Variants in RNLS observed in about 807,000 individuals in gnomAD.
RNLS encodes renalase.
RNLS carries 39 observed loss-of-function variants against 39.8 expected under a neutral mutation model. The ratio of observed to expected loss-of-function variants is 0.98; its 90% CI spans 0.76 to 1.28. The LOEUF is 1.28. Ranked by LOEUF, RNLS falls within the 50% of genes most tolerant of loss-of-function variation. RNLS has a pLI of 0.00. For synonymous variants in RNLS, 147 were observed against 150.7 expected, an observed-to-expected ratio of 0.98 and a Z score of 0.18; for missense variants, 410 against 413.3, an observed-to-expected ratio of 0.99 and a Z score of 0.07.
At chr10:88,283,558 T>G (rs759001813), downstream of RNLS, among the ~76,000 whole-genome samples, 10 of 152,094 alleles carry the variant, frequency 6.6e-5, no homozygotes, top group Non-Finnish European at 1.0e-4. Flanking sequence ...CTACCATATT[T>G]TAAGGGTAAA....
intron 5 of RNLS, among the ~76,000 whole-genome samples, chr10:88,327,754 AT>A (rs963177430): frequency 3.9e-5 from 6 of 152,102 alleles, no homozygotes; most frequent in African/African-American, 1.4e-4. Flanking sequence ...GTATGTATGT[AT>A]GTACGTATGT....
intron 4 of RNLS, among the ~76,000 whole-genome samples, chr10:88,379,212 A>G (rs902840575): frequency 3.3e-5 from 5 of 152,194 alleles, no homozygotes; most frequent in African/African-American, 4.8e-5. Context: ...TATATGTTTT[A>G]ATGTTGAAGA....
the RNLS span, among the ~76,000 whole-genome samples, chr10:88,206,820 T>A: frequency 6.7e-6 from 1 of 148,870 alleles, no homozygotes; most frequent in African/African-American, 2.6e-5. Context: ...AAAGAAGGCC[T>A]TTTTTTTGTA....
intron 4 of RNLS, among the ~76,000 whole-genome samples, chr10:88,427,936 G>A (rs143939347): frequency 5.3e-5 from 8 of 151,838 alleles, no homozygotes; most frequent in Admixed American, 2.6e-4. Context: ...ATATGCTTAC[G>A]TTTTCTTTGT....
intron 4 of RNLS, among the ~76,000 whole-genome samples, chr10:88,521,912 C>T (rs375718227): frequency 1.3e-5 from 2 of 151,894 alleles, no homozygotes; most frequent in Non-Finnish European, 2.9e-5. Flanking sequence ...ATTAGAAGGC[C>T]GATTTCCATC....
chr10:88,254,871 G>C, the RNLS span, among the ~76,000 whole-genome samples: 1 of 152,258 alleles, frequency 6.6e-6, no homozygotes, highest in African/African-American at 2.4e-5. Context: ...CTCAAGGTAA[G>C]TGTGTCATCA....
At chr10:88,259,712 T>C in the RNLS span, among the ~76,000 whole-genome samples, 2 of 152,170 alleles carry the variant, frequency 1.3e-5, no homozygotes, top group East Asian at 1.9e-4. Flanking sequence ...AAAACTTAAA[T>C]AGGATTCAAC....
At chr10:88,207,021 T>C in the RNLS span, among the ~76,000 whole-genome samples, 1 of 152,152 alleles carries the variant, frequency 6.6e-6, no homozygotes, top group Non-Finnish European at 1.5e-5. Flanking sequence ...TGTTTTGGCC[T>C]ACATACAATT....
intron 4 of RNLS, among the ~76,000 whole-genome samples, chr10:88,551,751 C>A (rs866251464): frequency 6.6e-6 from 1 of 151,112 alleles, no homozygotes; most frequent in Non-Finnish European, 1.5e-5. Flanking sequence ...GGTAGTTTTG[C>A]AGGGTTAGAA....
At chr10:88,181,694 G>C in the RNLS span, among the ~76,000 whole-genome samples, 1 of 152,138 alleles carries the variant, frequency 6.6e-6, no homozygotes, top group Non-Finnish European at 1.5e-5. Flanking sequence ...CATGTGCAGT[G>C]CATTGCCGAA....
chr10:88,467,595 C>A (rs2133963011), intron 4 of RNLS, among the ~76,000 whole-genome samples: 1 of 152,206 alleles, frequency 6.6e-6, no homozygotes, highest in Middle Eastern at 3.4e-3. Flanking sequence ...CTAACTGAGA[C>A]AATTTACCAA....
At chr10:88,314,695 ATC>A (rs1845628730) in intron 5 of RNLS, 54 bp from the exon 6 acceptor site, 1 of 1,498,162 alleles carries the variant, frequency 6.7e-7, no homozygotes. Flanking sequence ...GCAGGCAAGC[ATC>A]TCTCAGGATT....
At chr10:88,413,148 C>T (rs1328997606) in intron 4 of RNLS, among the ~76,000 whole-genome samples, 2 of 152,154 alleles carry the variant, frequency 1.3e-5, no homozygotes, top group Non-Finnish European at 2.9e-5. Flanking sequence ...CTGGTTCCCA[C>T]TCAAAAGCTT....
chr10:88,551,273 T>C (rs949336178), intron 4 of RNLS, among the ~76,000 whole-genome samples: 12 of 152,318 alleles, frequency 7.9e-5, no homozygotes, highest in Non-Finnish European at 1.2e-4. Flanking sequence ...AACCTCTTAT[T>C]AAAAATCAAA....
intron 5 of RNLS, among the ~76,000 whole-genome samples, chr10:88,325,576 C>G (rs565170209): frequency 1.3e-5 from 2 of 152,200 alleles, no homozygotes; most frequent in Admixed American, 1.3e-4. Flanking sequence ...GAAGTAAGCA[C>G]TGTAGCTGCC....
At chr10:88,436,125 A>G (rs1189548957) in intron 4 of RNLS, among the ~76,000 whole-genome samples, 2 of 152,232 alleles carry the variant, frequency 1.3e-5, no homozygotes, top group East Asian at 1.9e-4. Context: ...AGGACAAGAA[A>G]GAAAGGGACA....
At chr10:88,553,998 C>T (rs1848726047) in intron 4 of RNLS, among the ~76,000 whole-genome samples, 1 of 152,002 alleles carries the variant, frequency 6.6e-6, no homozygotes, top group Admixed American at 6.6e-5. Flanking sequence ...ACACCACATC[C>T]TGAAAGAAAC....
chr10:88,245,432 C>G, the RNLS span, among the ~76,000 whole-genome samples: 2 of 152,166 alleles, frequency 1.3e-5, no homozygotes, highest in African/African-American at 4.8e-5. Flanking sequence ...AACCCCGGAC[C>G]TTCCTAATTC....
chr10:88,486,617 C>G (rs1844540917), intron 4 of RNLS, among the ~76,000 whole-genome samples: 1 of 152,110 alleles, frequency 6.6e-6, no homozygotes, highest in Admixed American at 6.6e-5. Context: ...AAAAGCTCAA[C>G]ATCACTGATC....
Sources: allele counts gnomAD v4.1 joint callset (sites outside exome capture counted in the v4.1 genomes callset), GRCh38; gene constraint gnomAD v4.1.1; transcripts MANE v1.5; gene names NCBI Gene and HGNC (gene_info 2026-07-23, HGNC 2026-07-21).